Variants in ANO8 observed in about 807,000 individuals in gnomAD.
The protein encoded by ANO8 is anoctamin-8.
In ANO8, 67 loss-of-function variants were observed where a neutral mutation model predicts 120.4. That is an observed-to-expected ratio of 0.56 (90% CI 0.46 to 0.68). ANO8 has a LOEUF of 0.68. Among genes scored for constraint, ANO8 ranks in the 30% least tolerant of loss-of-function variants. ANO8 has a pLI of 0.00. For synonymous variants in ANO8, 727 were observed against 759.2 expected (o/e 0.96, Z 0.70); for missense variants, 1,526 against 1,737.6 (o/e 0.88, Z 2.16).
rs1391699659 is a variant in ANO8, at chr19:17,328,711, C to A, written c.1677G>T (p.Ala559=). ...CCGCCCGCCGCCGCTCCACCAGCGC[C>A]GCCTCCTCCTCCTCCTCCGGCGCCC... The part of the protein sequence containing the change: ...GCGAPEEEEE[A]ALVERRRAGE... Residue 559 remains alanine, a synonymous_variant, in exon 13 of 18, where the codon GCG becomes GCT. Coordinates refer to ENST00000159087, the MANE Select transcript of ANO8 (RefSeq NM_020959.3). 5.1e-6 allele frequency: 7 copies of A among 1,380,316 alleles called. No homozygotes were observed. In the South Asian group the frequency reaches 9.5e-5, roughly 19 times the overall value. The allele number at this position is 1,380,316 out of a possible 1,614,324, so 85.5% of individuals were successfully genotyped here.
rs1317045656 is a variant in ANO8, at chr19:17,330,603, T to C, written c.994-99A>G. ...CTCAGAACTCAATTTCCCTCCATCATGCGGAGGTGACCCTCTCAGGTCACC... is the reference window on the plus strand; with the variant it reads ...CTCAGAACTCAATTTCCCTCCATCACGCGGAGGTGACCCTCTCAGGTCACC... On this transcript the variant is annotated intron_variant, in intron 8 of 17. Transcript: ENST00000159087. 2.8e-6 allele frequency: 4 copies of C among 1,430,994 alleles called. No homozygotes were observed. The East Asian group carries it at 1.0e-4, about 36-fold the overall frequency. 88.6% of individuals were successfully genotyped at this position (1,430,994 alleles called of 1,614,324 possible).
Position 17,334,843 on chromosome 19 carries a change from C to G in ANO8, c.-173G>C, listed in dbSNP as rs1301858077. ...CGCTGCTTCTCGTCCCCGCCCGAGCCGAACCTCGATTCTCCTTCCCGGCCC... is the reference window on the plus strand; with the variant it reads ...CGCTGCTTCTCGTCCCCGCCCGAGCGGAACCTCGATTCTCCTTCCCGGCCC... On this transcript the variant is annotated 5_prime_UTR_variant, in exon 1 of 18. Transcript: ENST00000159087. 1 of 1,293,932 alleles carries G rather than the reference C, an allele frequency of 7.7e-7. No homozygotes were observed. Among genetic ancestry groups the G allele is most frequent in the East Asian group, 2.7e-5 (1 of 37,456 alleles). 80.2% of individuals were successfully genotyped at this position (1,293,932 alleles called of 1,614,324 possible). A position where few individuals can be genotyped will look rare whatever the true frequency, so the allele number is the denominator to read the frequency against.
chr19:17,328,346 C>T lies in ANO8; in HGVS notation c.2042G>A (p.Arg681Gln), dbSNP rs1202123086. Residue 681 changes from arginine (R) to glutamine (Q), a missense_variant, in exon 13 of 18, where the codon CGG becomes CAG. This residue lies in a region of ANO8 where 467 missense variants were observed against 425.8 expected (regional missense o/e 1.10). Coordinates refer to ENST00000159087, the MANE Select transcript of ANO8 (RefSeq NM_020959.3). The part of the protein sequence containing the change: ...EREPPAILFR[R>Q]AGGEGRDQGP... ...CTGGTCTCGGCCCTCGCCCCCGGCC[C>T]GGCGGAACAAGATGGCCGGGGGCTC... 4 of 1,577,830 alleles carry T rather than the reference C, an allele frequency of 2.5e-6. No individual in the cohort carries two copies. The highest frequency in any genetic ancestry group is 1.8e-4 in the Middle Eastern group (1 of 5,652).
chr19:17,324,011 G>C, intron 17 of ANO8, 127 bp from the exon 18 acceptor site: 2 of 995,378 alleles, frequency 2.0e-6, no homozygotes, highest in Non-Finnish European at 2.4e-6. Context: ...TCTGATCAGA[G>C]ACTGAGGTGG....
At chr19:17,330,769 GC>G in intron 8 of ANO8, 58 bp downstream of exon 8, 5 of 1,557,336 alleles carry the variant, frequency 3.2e-6, no homozygotes, top group Non-Finnish European at 2.6e-6. Context: ...CTCCTGCAGT[GC>G]CCCCCACCAT....
rs768636666 is a variant in ANO8 at position 17,330,317 on chromosome 19, C to T, written c.1146+35G>A. The T allele has an allele frequency of 3.7e-6, 6 of 1,611,878 alleles. No homozygotes were observed. The African/African-American group carries it at 4.0e-5, about 11-fold the overall frequency. The stretch of plus-strand genomic sequence containing the variant: ...GCTCAGCCCAAGGTGGAGCTAGGTA[C>T]CAAGGACAGGGCGGGTGAGGGTATG... On this transcript the variant is annotated intron_variant, in intron 9 of 17. Transcript: ENST00000159087.
rs141211641 is a variant in ANO8, at chr19:17,327,279, C to T, written c.2617G>A (p.Glu873Lys). 1.3e-4 allele frequency: 205 copies of T among 1,548,730 alleles called. No individual in the cohort carries two copies. The highest frequency in any genetic ancestry group is 1.7e-4 in the Non-Finnish European group (192 of 1,146,348). The change falls in exon 16 of 18, where the codon GAG (glutamate) becomes AAG (lysine). Residue 873 changes from glutamate to lysine, a missense_variant. Around this residue, in one of 8 missense-constraint regions of ANO8, gnomAD observed 489 missense variants for 548.6 expected, o/e 0.89. Transcript: ENST00000159087. ...TGGTACTCCAGCTTGGCCATTTCCTCGGCCACCCAGCCCGGGATATCGGGG... is the reference window on the plus strand; with the variant it reads ...TGGTACTCCAGCTTGGCCATTTCCTTGGCCACCCAGCCCGGGATATCGGGG... ...AIPDIPGWVA[E>K]EMAKLEYQRR...
chr19:17,325,260 C>T lies in ANO8; in HGVS notation c.2788G>A (p.Ala930Thr). The change falls in exon 17 of 18, where the codon GCG becomes ACG. Residue 930 changes from alanine to threonine, a missense_variant. Physicochemically the swap from Ala to Thr is moderately conservative, Grantham distance 58. Transcript: ENST00000159087. ...TCCAGCCCAGAGCCCTCGGCCCTCGCCTCCTCTCGGCCACCAGAATCATGC... is the reference window on the plus strand; with the variant it reads ...TCCAGCCCAGAGCCCTCGGCCCTCGTCTCCTCTCGGCCACCAGAATCATGC... ...REHDSGGREE[A>T]RAEGSGLDPA... 1.2e-6 allele frequency: 2 copies of T among 1,608,794 alleles called. No homozygotes were observed. The highest frequency in any genetic ancestry group is 2.2e-5 in the East Asian group (1 of 44,856).
chr19:17,330,221 G>A lies in ANO8; in HGVS notation c.1177C>T (p.Arg393Cys), dbSNP rs761300384. ...ACCTTAGGCAGGAATCGGGCGAGAC[G>A]GGGCAACCCCTTCACGCTCAGCACC... ...ELVLSVKGLP[R>C]LARFLPKVML... The change falls in exon 10 of 18, where the codon CGT (arginine) becomes TGT (cysteine). Residue 393 changes from arginine (R) to cysteine (C), a missense_variant. Transcript: ENST00000159087. 1.9e-5 allele frequency: 30 copies of A among 1,613,968 alleles called. No homozygotes were observed. The highest frequency in any genetic ancestry group is 5.0e-5 in the Admixed American group (3 of 60,016).
Position 17,333,031 on chromosome 19 carries a change from G to A in ANO8, c.490-5C>T, listed in dbSNP as rs199652152. On this transcript the variant is annotated splice_polypyrimidine_tract_variant and splice_region_variant and intron_variant, in intron 4 of 17. Transcript: ENST00000159087. This position sits in a 1 kb window ranked among gnomAD's most constrained non-coding sequence, Gnocchi z 7.2. ...GCGGATGATGCTCTGGCGTTCCTGC[G>A]AGGAAGAGGGCGTGAGCTCAGGGAA... 1.9e-4 allele frequency: 307 copies of A among 1,614,062 alleles called. No homozygotes were observed. In the Middle Eastern group the frequency reaches 4.8e-3, roughly 25 times the overall value.
chr19:17,329,322 A>AT, intron 12 of ANO8: 1 of 346,416 alleles, frequency 2.9e-6, no homozygotes, highest in South Asian at 5.3e-5. Flanking sequence ...CCCTCCGCGC[A>AT]TGCGCCCTCA....
Position 17,330,019 on chromosome 19 carries a change from G to T in ANO8, c.1274-5C>A. The T allele has an allele frequency of 6.2e-7, 1 of 1,613,972 alleles. No individual in the cohort carries two copies. The highest frequency in any genetic ancestry group is 8.5e-7 in the Non-Finnish European group (1 of 1,179,996). ...CGCTCTCCAGCCGGTAATTTTCTAG[G>T]GGCCAAGGGGGGGAGTGAGGGGGCA... is the stretch of plus-strand genomic sequence containing the variant. On this transcript the variant is annotated splice_region_variant and splice_polypyrimidine_tract_variant and intron_variant, in intron 10 of 17. Coordinates refer to ENST00000159087, the MANE Select transcript of ANO8 (RefSeq NM_020959.3).
intron 1 of ANO8, among the ~76,000 whole-genome samples, chr19:17,334,308 C>G (rs2074343890): frequency 6.6e-6 from 1 of 152,326 alleles, no homozygotes; most frequent in East Asian, 1.9e-4. Context: ...GCCGCGATCC[C>G]GCAGCCCGGG....
rs764868108 is a variant in ANO8, at chr19:17,333,743, G to A, written c.164C>T (p.Ala55Val). 3 of 1,609,660 alleles carry A rather than the reference G, an allele frequency of 1.9e-6. No individual in the cohort carries two copies. The highest frequency in any genetic ancestry group is 2.5e-6 in the Non-Finnish European group (3 of 1,179,038). Residue 55 changes from alanine (A) to valine (V), a missense_variant, in exon 2 of 18, where the codon GCG (alanine) becomes GTG (valine). This residue lies in a region of ANO8 where 322 missense variants were observed against 431.8 expected (regional missense o/e 0.75). Coordinates refer to ENST00000159087, the MANE Select transcript of ANO8 (RefSeq NM_020959.3). This position sits in a 1 kb window ranked among gnomAD's most constrained non-coding sequence, Gnocchi z 7.2. Reference protein sequence around the residue: ...QAGRYLVSHKAWMKTVPTENC... With the variant: ...QAGRYLVSHKVWMKTVPTENC... Reference sequence around the variant, plus strand: ...CTCTGTAGGCACCGTCTTCATCCACGCCTTGTGGGACACCAGGTAGCGACC... The same window carrying A: ...CTCTGTAGGCACCGTCTTCATCCACACCTTGTGGGACACCAGGTAGCGACC...
intron 10 of ANO8, 46 bp downstream of exon 10, chr19:17,330,079 G>A (rs1239926943): frequency 1.2e-6 from 2 of 1,613,814 alleles, no homozygotes; most frequent in South Asian, 1.1e-5. Context: ...GGGATCCCAA[G>A]GGGCAGTGGA....
Position 17,328,336 on chromosome 19 carries a change from G to T in ANO8, c.2052C>A (p.Gly684=). ...CGTCGGGCCCCTGGTCTCGGCCCTC[G>T]CCCCCGGCCCGGCGGAACAAGATGG... ...PPAILFRRAG[G]EGRDQGPDGG... The change falls in exon 13 of 18, where the codon GGC becomes GGA. Residue 684 remains glycine (G), a synonymous_variant. Coordinates refer to ENST00000159087, the MANE Select transcript of ANO8 (RefSeq NM_020959.3). The T allele has an allele frequency of 1.9e-6, 3 of 1,581,060 alleles. No homozygotes were observed. Among genetic ancestry groups the T allele is most frequent in the Non-Finnish European group, 1.7e-6 (2 of 1,166,848 alleles).
chr19:17,327,458 C>T lies in ANO8; in HGVS notation c.2530G>A (p.Val844Met), dbSNP rs753940125. 1.9e-6 allele frequency: 3 copies of T among 1,612,094 alleles called. No individual in the cohort carries two copies. Among genetic ancestry groups the T allele is most frequent in the African/African-American group, 1.3e-5 (1 of 74,908 alleles). Residue 844 changes from valine (V) to methionine (M), a missense_variant, in exon 15 of 18, where the codon GTG becomes ATG. Physicochemically the swap from Val to Met is conservative, Grantham distance 21 (BLOSUM62 1). This residue lies in a region of ANO8 where 489 missense variants were observed against 548.6 expected (regional missense o/e 0.89). Transcript: ENST00000159087. Reference protein sequence around the residue: ...FPWLSPEAAIVSVVVLEHFAL... With the variant: ...FPWLSPEAAIMSVVVLEHFAL... ...CCCACCTCGAGCACTACCACCGACA[C>T]GATGGCTGCCTCCGGGCTCAGCCAG...
rs752840306 is a variant in ANO8 at position 17,332,989 on chromosome 19, A to C, written c.527T>G (p.Leu176Trp). The change falls in exon 5 of 18, where the codon TTG (leucine) becomes TGG (tryptophan). Residue 176 changes from leucine to tryptophan, a missense_variant. By Grantham distance (61) the Leu-to-Trp change is moderately conservative. This residue lies in a region of ANO8 where 322 missense variants were observed against 431.8 expected (regional missense o/e 0.75). Transcript: ENST00000159087. ...GAGTGCTTCTCCCTGCTTGGCACGC[A>C]AATTCTGCAGCCAGAAGCGGATGAT... is the stretch of plus-strand genomic sequence containing the variant. ...QSIIRFWLQNLRAKQGEALHN... is the reference protein window; with the variant it reads ...QSIIRFWLQNWRAKQGEALHN... 1.2e-6 allele frequency: 2 copies of C among 1,614,178 alleles called. No individual in the cohort carries two copies. The highest frequency in any genetic ancestry group is 1.7e-6 in the Non-Finnish European group (2 of 1,180,040).
Position 17,323,878 on chromosome 19 carries a change from G to T in ANO8, c.3338C>A (p.Ala1113Glu), listed in dbSNP as rs1255931664. The change falls in exon 18 of 18, where the codon GCG becomes GAG. Residue 1113 changes from alanine (A) to glutamate (E), a missense_variant. Transcript: ENST00000159087. Reference protein sequence around the residue: ...PRPEEEGSGTALAPVGAPALR... With the variant: ...PRPEEEGSGTELAPVGAPALR... ...GGCAGGGGCGCCCACGGGGGCCAGC[G>T]CTGTCCCTGCGGAGGCGAGAGGGGC... 1 of 1,119,356 alleles carries T rather than the reference G, an allele frequency of 8.9e-7. No individual in the cohort carries two copies. Among genetic ancestry groups the T allele is most frequent in the African/African-American group, 1.7e-5 (1 of 60,154 alleles). 69.3% of individuals were successfully genotyped at this position (1,119,356 alleles called of 1,614,324 possible).
Sources: gnomAD v4.1 joint callset for allele counts (sites outside exome capture counted in the v4.1 genomes callset) on GRCh38, gnomAD v4.1.1 for gene constraint, gnomAD v4.1.1 regional missense constraint, Gnocchi (gnomAD v3.1) non-coding constraint, MANE v1.5 for transcripts, NCBI Gene and HGNC (gene_info 2026-07-23, HGNC 2026-07-21) for gene names.